The following ALDH1L2 variants were observed in gnomAD, a reference collection of about 807,000 sequenced individuals.
The protein encoded by ALDH1L2 is mitochondrial 10-formyltetrahydrofolate dehydrogenase.
ALDH1L2 carries 91 observed loss-of-function variants against 111.0 expected under a neutral mutation model. That is an observed-to-expected ratio of 0.82 (90% confidence interval 0.69 to 0.98). ALDH1L2 has a LOEUF of 0.98. Ranked by LOEUF, ALDH1L2 falls within the 50% of genes least tolerant of loss-of-function variation. The pLI is 0.00. For missense variants in ALDH1L2, 995 were observed against 1,126.8 expected (o/e 0.88, Z 1.67); for synonymous variants, 374 against 392.6 (o/e 0.95, Z 0.56).
chr12:105,061,714 C>T lies in ALDH1L2; in HGVS notation c.960G>A (p.Met320Ile), dbSNP rs1877013625. The T allele has an allele frequency of 1.9e-6, 3 of 1,614,142 alleles. No homozygotes were observed. The East Asian group carries it at 6.7e-5, about 36-fold the overall frequency. Residue 320 changes from methionine (M) to isoleucine (I), a missense_variant, in exon 8 of 23, where the codon ATG becomes ATA. By Grantham distance (10) the Met-to-Ile change is conservative (BLOSUM62 1). Transcript: ENST00000258494. ...VRNLQFEDGK[M>I]IPASQYFSTG... ...TTGAAAAGTACTGAGAGGCAGGGAT[C>T]ATTTTTCCATCTTCAAACTGCAGAT...
chr12:105,046,695 C>T lies in ALDH1L2; in HGVS notation c.1863+15G>A, dbSNP rs1565957502. 6.2e-7 allele frequency: 1 copy of T among 1,609,828 alleles called. No individual in the cohort carries two copies. Among genetic ancestry groups the T allele is most frequent in the Non-Finnish European group, 8.5e-7 (1 of 1,176,408 alleles). ...GAGAGGAGGCAATTCTGCACCTGGC[C>T]CTTTGTGGCCTTACCTGTGCTGGCT... is the stretch of plus-strand genomic sequence containing the variant. On this transcript the variant is annotated intron_variant, in intron 15 of 22. Coordinates refer to ENST00000258494, the MANE Select transcript of ALDH1L2 (RefSeq NM_001034173.4).
At chr12:105,058,450 A>G (rs1876776105) in intron 9 of ALDH1L2, among the ~76,000 whole-genome samples, 1 of 152,228 alleles carries the variant, frequency 6.6e-6, no homozygotes. Context: ...ATCCATGACT[A>G]AAAATAAAAG....
In ALDH1L2 at chr12:105,026,618, A is replaced by G; in HGVS notation, c.2643T>C (p.Ile881=). 1 of 1,614,170 alleles carries G rather than the reference A, an allele frequency of 6.2e-7. No homozygotes were observed. The highest frequency in any genetic ancestry group is 8.5e-7 in the Non-Finnish European group (1 of 1,180,016). The change falls in exon 22 of 23, where the codon ATT becomes ATC. Residue 881 remains isoleucine, a synonymous_variant. Transcript: ENST00000258494. ...CCACATCTGTCTTGTTGTATGTGTT[A>G]ATAAAAACAGTTCCTGCTTCCAGTT... is the stretch of plus-strand genomic sequence containing the variant. The part of the protein sequence containing the change: ...SEKLEAGTVF[I]NTYNKTDVAA...
At chr12:105,041,167 A>G (rs1268995991) in intron 15 of ALDH1L2, among the ~76,000 whole-genome samples, 1 of 152,238 alleles carries the variant, frequency 6.6e-6, no homozygotes, top group Non-Finnish European at 1.5e-5. Flanking sequence ...AATTATCCCA[A>G]TAATGTCTTA....
At chr12:105,063,967 CTTT>C (rs201497480) in intron 6 of ALDH1L2, among the ~76,000 whole-genome samples, 5 of 135,466 alleles carry the variant, frequency 3.7e-5, no homozygotes, top group Admixed American at 7.5e-5. Flanking sequence ...TGTATTAATT[CTTT>C]TTTTTTTTTT....
At chr12:105,084,229 T>C (rs1878477650) in intron 1 of ALDH1L2, among the ~76,000 whole-genome samples, 160 bp downstream of exon 1, 1 of 150,950 alleles carries the variant, frequency 6.6e-6, no homozygotes, top group Admixed American at 6.6e-5. Context: ...GGTCTCTCTG[T>C]TTTTGTTTGT....
intron 1 of ALDH1L2, among the ~76,000 whole-genome samples, chr12:105,079,632 C>T (rs981933528): frequency 3.3e-5 from 5 of 152,048 alleles, no homozygotes; most frequent in African/African-American, 1.2e-4. Context: ...ACTAGAGAGG[C>T]AGGATTTCCA....
At chr12:105,038,227 A>G in intron 17 of ALDH1L2, 25 bp from the exon 18 acceptor site, 1 of 1,536,384 alleles carries the variant, frequency 6.5e-7, no homozygotes, top group Non-Finnish European at 9.0e-7. Context: ...ATGAGAAATG[A>G]GCATTTAGTT....
intron 12 of ALDH1L2, among the ~76,000 whole-genome samples, 171 bp downstream of exon 12, chr12:105,051,919 G>T (rs1876295359): frequency 6.6e-6 from 1 of 151,748 alleles, no homozygotes; most frequent in Non-Finnish European, 1.5e-5. Flanking sequence ...TGAGTTGCTG[G>T]GACTACAGGC....
At chr12:105,040,195 G>C (rs917375593) in intron 16 of ALDH1L2, among the ~76,000 whole-genome samples, 3 of 145,152 alleles carry the variant, frequency 2.1e-5, no homozygotes, top group Non-Finnish European at 3.0e-5. Flanking sequence ...TAAATTCATT[G>C]AAGTAGATTT....
intron 9 of ALDH1L2, chr12:105,060,687 G>A (rs1876934901): frequency 4.7e-6 from 1 of 212,222 alleles, no homozygotes; most frequent in South Asian, 8.4e-5. Flanking sequence ...AGCTGGGCGT[G>A]GTGGCGCATG....
chr12:105,082,916 G>A (rs1810653172), intron 1 of ALDH1L2, among the ~76,000 whole-genome samples: 1 of 150,156 alleles, frequency 6.7e-6, no homozygotes, highest in Non-Finnish European at 1.5e-5. Flanking sequence ...TCACCACTCA[G>A]TAGCTTCCTT....
intron 18 of ALDH1L2, among the ~76,000 whole-genome samples, chr12:105,036,121 A>ATATAATATATACGTATATTTATATATGTG: frequency 1.4e-5 from 1 of 69,534 alleles, no homozygotes; most frequent in Admixed American, 1.7e-4. Context: ...ATATGTGTAT[A>ATATAATATATACGTATATTTATATATGTG]TATATTATAT....
At chr12:105,027,594 A>G (rs1874480202) in intron 21 of ALDH1L2, among the ~76,000 whole-genome samples, 1 of 152,224 alleles carries the variant, frequency 6.6e-6, no homozygotes, top group Non-Finnish European at 1.5e-5. Context: ...ATTGCGAACC[A>G]TGGAAATAAT....
rs1383080737 is a variant in ALDH1L2 at position 105,024,361 on chromosome 12, T to G, written c.*63A>C. 5.7e-6 allele frequency: 9 copies of G among 1,583,218 alleles called. No homozygotes were observed. Among genetic ancestry groups the G allele is most frequent in the Non-Finnish European group, 7.8e-6 (9 of 1,153,758 alleles). ...CCTCCTGCCTCAACACACCCAATCT[T>G]CTTAAGTGTGTCCAGAGTTGTAAAG... On this transcript the variant is annotated 3_prime_UTR_variant, in exon 23 of 23. Coordinates refer to ENST00000258494, the MANE Select transcript of ALDH1L2 (RefSeq NM_001034173.4).
chr12:105,022,838 T>C lies in ALDH1L2; in HGVS notation c.*1586A>G, dbSNP rs1874224267. On this transcript the variant is annotated 3_prime_UTR_variant, in exon 23 of 23. Transcript: ENST00000258494. The stretch of plus-strand genomic sequence containing the variant: ...TTATTGATTCCCTACAATCCCCTCA[T>C]GTTATTCTGCCAAGTCTCCAAAATG... The C allele has an allele frequency of 6.6e-6, 1 of 152,224 alleles. No individual in the cohort carries two copies. Among genetic ancestry groups the C allele is most frequent in the Non-Finnish European group, 1.5e-5 (1 of 68,050 alleles). 9.4% of individuals were successfully genotyped at this position (152,224 alleles called of 1,614,324 possible). A position where few individuals can be genotyped will look rare whatever the true frequency, so the allele number is the denominator to read the frequency against.
At chr12:105,075,761 G>A (rs1878019269) in intron 1 of ALDH1L2, among the ~76,000 whole-genome samples, 1 of 152,170 alleles carries the variant, frequency 6.6e-6, no homozygotes, top group Non-Finnish European at 1.5e-5. Flanking sequence ...CAAGATTCCA[G>A]AAAATTGGAC....
chr12:105,070,549 A>G lies in ALDH1L2; in HGVS notation c.428+21T>C, dbSNP rs538881039. The G allele has an allele frequency of 4.2e-5, 66 of 1,573,924 alleles. No homozygotes were observed. In the East Asian group the frequency reaches 1.2e-3, roughly 29 times the overall value. Reference sequence around the variant, plus strand: ...GCAAGACCCCATCTCAAAAAAAAAAAGTAAAAAGAAAAAATCTCACCAATT... The same window carrying G: ...GCAAGACCCCATCTCAAAAAAAAAAGGTAAAAAGAAAAAATCTCACCAATT... On this transcript the variant is annotated intron_variant, in intron 3 of 22. Coordinates refer to ENST00000258494, the MANE Select transcript of ALDH1L2 (RefSeq NM_001034173.4).
At chr12:105,083,339 C>T (rs549228216) in intron 1 of ALDH1L2, among the ~76,000 whole-genome samples, 9 of 151,442 alleles carry the variant, frequency 5.9e-5, no homozygotes, top group African/African-American at 1.7e-4. Context: ...CCCCACCCCT[C>T]GTTTTATAAA....
Sources: gnomAD v4.1 joint callset for allele counts (sites outside exome capture counted in the v4.1 genomes callset) on GRCh38, gnomAD v4.1.1 for gene constraint, MANE v1.5 for transcripts, NCBI Gene and HGNC (gene_info 2026-07-23, HGNC 2026-07-21) for gene names.